The following ZMAT5 variants were observed in gnomAD, a reference collection of about 807,000 sequenced individuals.
The protein encoded by ZMAT5 is zinc finger matrin-type 5.
ZMAT5 carries 23 observed loss-of-function variants against 28.0 expected under a neutral mutation model. The observed-to-expected ratio is 0.82, with a 90% CI of 0.59 to 1.16. The LOEUF (loss-of-function observed/expected upper bound fraction) is 1.16, where lower values mean the gene tolerates loss of function less well. Ranked by LOEUF, ZMAT5 falls within the 50% of genes most tolerant of loss-of-function variation. The pLI, the probability that ZMAT5 is intolerant of heterozygous loss-of-function variation, is 0.00. For synonymous variants in ZMAT5, 76 were observed against 84.1 expected (o/e 0.90, Z 0.52); for missense variants, 173 against 212.7 (o/e 0.81, Z 1.16).
chr22:29,732,912 C>A (rs765820990), intron 5 of ZMAT5, among the ~76,000 whole-genome samples: 1 of 152,126 alleles, frequency 6.6e-6, no homozygotes, highest in East Asian at 1.9e-4. Context: ...TACCCCAAGG[C>A]GCAGGGCCAG....
At chr22:29,738,740 A>T (rs1469088425) in intron 4 of ZMAT5, among the ~76,000 whole-genome samples, 4 of 152,172 alleles carry the variant, frequency 2.6e-5, no homozygotes, top group African/African-American at 7.2e-5. Flanking sequence ...GTGGTGGCTC[A>T]CGTCTGTAAT....
chr22:29,747,956 C>T (rs968294642), intron 2 of ZMAT5: 11 of 248,780 alleles, frequency 4.4e-5, no homozygotes, highest in African/African-American at 2.2e-4. Flanking sequence ...GAACAGGGAC[C>T]CCCCCACCTC....
chr22:29,742,134 C>T (rs577394619), intron 3 of ZMAT5, among the ~76,000 whole-genome samples: 1 of 152,320 alleles, frequency 6.6e-6, no homozygotes, highest in South Asian at 2.1e-4. Flanking sequence ...AAGTCTATTC[C>T]ACCCATAAGT....
intron 1 of ZMAT5, among the ~76,000 whole-genome samples, chr22:29,759,130 G>A (rs1437010703): frequency 2.6e-5 from 4 of 152,146 alleles, no homozygotes; most frequent in Non-Finnish European, 5.9e-5. Context: ...CAGGAACTGC[G>A]GGCTGGAGAC....
intron 5 of ZMAT5, among the ~76,000 whole-genome samples, chr22:29,734,374 C>T (rs560941450): frequency 2.0e-5 from 3 of 152,218 alleles, no homozygotes; most frequent in African/African-American, 4.8e-5. Context: ...CTCGGTTCCC[C>T]GAGGTGGGGT....
intron 3 of ZMAT5, among the ~76,000 whole-genome samples, chr22:29,741,788 T>A (rs1601719259): frequency 6.6e-6 from 1 of 152,156 alleles, no homozygotes; most frequent in African/African-American, 2.4e-5. Flanking sequence ...TAGCTGGGAC[T>A]ACCAGTGTGT....
At chr22:29,753,290 G>A (rs2068070700) in intron 1 of ZMAT5, among the ~76,000 whole-genome samples, 1 of 152,214 alleles carries the variant, frequency 6.6e-6, no homozygotes, top group Non-Finnish European at 1.5e-5. Flanking sequence ...ACTTTGGGAG[G>A]CTGAGGAGGG....
At chr22:29,760,321 C>T (rs190898746) in intron 1 of ZMAT5, among the ~76,000 whole-genome samples, 3 of 149,356 alleles carry the variant, frequency 2.0e-5, no homozygotes, top group East Asian at 2.0e-4. Context: ...TGCAGTAAAC[C>T]GAGATTGTGC....
In ZMAT5 at chr22:29,733,934, C is replaced by G. The variant is rs141939969; in HGVS notation, c.384-2580G>C. On this transcript the variant is annotated intron_variant, in intron 5 of 5. Coordinates refer to ENST00000344318, the MANE Select transcript of ZMAT5 (RefSeq NM_001003692.2). ...GCCTTGGGGACATTGAGGTGCGTGTCTGGCACAACTCTGCTCGTAGCTTCT... is the reference window on the plus strand; with the variant it reads ...GCCTTGGGGACATTGAGGTGCGTGTGTGGCACAACTCTGCTCGTAGCTTCT... Among the ~76,000 whole-genome samples, 291 of 152,354 alleles carry G rather than the reference C, an allele frequency of 1.9e-3. 1 individual carries two copies. Among genetic ancestry groups the G allele is most frequent in the Non-Finnish European group, 3.5e-3 (237 of 68,028 alleles).
chr22:29,747,264 T>A (rs1256433860), intron 2 of ZMAT5: 1 of 152,238 alleles, frequency 6.6e-6, no homozygotes, highest in Non-Finnish European at 1.5e-5. Flanking sequence ...TCCATGCTCA[T>A]TCCTTGTTTG....
At chr22:29,746,451 A>C (rs758770948) in intron 2 of ZMAT5, 1 of 151,530 alleles carries the variant, frequency 6.6e-6, no homozygotes, top group African/African-American at 2.4e-5. Flanking sequence ...AGTCTGGCCA[A>C]ATTTTTTTAT....
chr22:29,758,386 AAGG>A (rs2068123790), intron 1 of ZMAT5, among the ~76,000 whole-genome samples: 1 of 152,150 alleles, frequency 6.6e-6, no homozygotes, highest in African/African-American at 2.4e-5. Flanking sequence ...GAGGCCAAGA[AAGG>A]AGGATTGCTT....
At chr22:29,765,423 A>C (rs1013105376) in intron 1 of ZMAT5, among the ~76,000 whole-genome samples, 5 of 151,898 alleles carry the variant, frequency 3.3e-5, no homozygotes, top group African/African-American at 1.2e-4. Flanking sequence ...TCAAAAAAAA[A>C]CAAAAAACAA....
chr22:29,731,243 G>A lies in ZMAT5; in HGVS notation c.495C>T (p.Pro165=). The A allele has an allele frequency of 6.6e-7, 1 of 1,510,250 alleles. No individual in the cohort carries two copies. The allele number at this position is 1,510,250 out of a possible 1,614,324, so 93.6% of individuals were successfully genotyped here. The change falls in exon 6 of 6, where the codon CCC becomes CCT. Residue 165 remains proline, a synonymous_variant. Coordinates refer to ENST00000344318, the MANE Select transcript of ZMAT5 (RefSeq NM_001003692.2). ...APPPGGWPLQ[P]RVQWG The stretch of plus-strand genomic sequence containing the variant: ...AAGGGGCTCAGCCCCACTGGACTCT[G>A]GGCTGCAGAGGCCACCCCCCAGGTG...
intron 1 of ZMAT5, among the ~76,000 whole-genome samples, chr22:29,765,166 C>A (rs1444361741): frequency 3.3e-5 from 5 of 152,062 alleles, no homozygotes; most frequent in African/African-American, 4.8e-5. Context: ...CACCTGTAAT[C>A]CCGGCACTTT....
chr22:29,747,671 A>G (rs2068020546), intron 2 of ZMAT5: 1 of 153,850 alleles, frequency 6.5e-6, no homozygotes, highest in South Asian at 2.0e-4. Context: ...CAGCCGTGCA[A>G]CAGCACAACT....
chr22:29,752,428 A>G (rs1228217393), intron 1 of ZMAT5, among the ~76,000 whole-genome samples: 1 of 151,370 alleles, frequency 6.6e-6, no homozygotes, highest in African/African-American at 2.4e-5. Context: ...TCACTTCATC[A>G]CCTTGTCAGC....
chr22:29,742,385 C>A, intron 3 of ZMAT5, 33 bp downstream of exon 3: 1 of 1,609,908 alleles, frequency 6.2e-7, no homozygotes, highest in South Asian at 1.1e-5. Context: ...TCGCAGGTCC[C>A]CGCAGGGACC....
intron 3 of ZMAT5, among the ~76,000 whole-genome samples, chr22:29,741,465 T>C (rs181795108): frequency 6.6e-6 from 1 of 152,272 alleles, no homozygotes; most frequent in Non-Finnish European, 1.5e-5. Context: ...TTACAAACCA[T>C]GTGAATCATC....
Sources: gnomAD v4.1 joint callset for allele counts (sites outside exome capture counted in the v4.1 genomes callset) on GRCh38, gnomAD v4.1.1 for gene constraint, MANE v1.5 for transcripts, NCBI Gene and HGNC (gene_info 2026-07-23, HGNC 2026-07-21) for gene names.